The following CCDC183 variants were observed in gnomAD, a reference collection of about 807,000 sequenced individuals.
The protein encoded by CCDC183 is coiled-coil domain-containing protein 183.
A neutral mutation model predicts 65.2 loss-of-function variants in CCDC183; 63 were observed. The ratio of observed to expected loss-of-function variants is 0.97; its 90% CI spans 0.79 to 1.19. The LOEUF is 1.19. Among genes scored for constraint, CCDC183 ranks in the 50% most tolerant of loss-of-function variants. CCDC183 has a pLI of 0.00. For synonymous variants in CCDC183, 323 were observed against 276.5 expected (o/e 1.17, Z -1.67); for missense variants, 769 against 689.3 (o/e 1.12, Z -1.30).
chr9:136,802,635 G>T lies in CCDC183; in HGVS notation c.544-29G>T, dbSNP rs144077509. ...GGGGCAACTGCAGCCCACTCTGTAG[G>T]GGCCACAAGAGAACCCCATTCAACA... On this transcript the variant is annotated intron_variant, in intron 5 of 13. Coordinates refer to ENST00000338005, the MANE Select transcript of CCDC183 (RefSeq NM_001039374.5). 3.0e-4 allele frequency: 483 copies of T among 1,591,502 alleles called. No individual in the cohort carries two copies. In the African/African-American group the frequency reaches 5.7e-3, roughly 19 times the overall value.
At chr9:136,803,792 GAGC>G (rs1277754941) in intron 6 of CCDC183, 1 of 154,256 alleles carries the variant, frequency 6.5e-6, no homozygotes, top group Non-Finnish European at 1.4e-5. Context: ...GTGATACATG[GAGC>G]AGCGTGTGGC....
chr9:136,805,053 ACT>A, intron 8 of CCDC183: 1 of 595,454 alleles, frequency 1.7e-6, no homozygotes, highest in Non-Finnish European at 3.0e-6. Flanking sequence ...GTCCCCAGTG[ACT>A]CTGCAGAGGA....
At chr9:136,807,486 C>T in intron 13 of CCDC183, 86 bp from the exon 14 acceptor site, 1 of 1,451,232 alleles carries the variant, frequency 6.9e-7, no homozygotes, top group East Asian at 2.6e-5. Flanking sequence ...TGGCCCGGGT[C>T]GGTGGAGGGC....
rs373062914 is a variant in CCDC183 at position 136,797,438 on chromosome 9, C to CTT, written c.70+986_70+987dup. 5.9e-3 allele frequency among the ~76,000 whole-genome samples: 842 copies of CTT among 142,182 alleles called. 15 individuals are homozygous for CTT. Among genetic ancestry groups the CTT allele is most frequent in the African/African-American group, 0.021 (798 of 38,624 alleles). 93.3% of individuals were successfully genotyped at this position (142,182 alleles called of 152,430 possible). On this transcript the variant is annotated intron_variant, in intron 1 of 13. Transcript: ENST00000338005. ...ACTGTTCTTTCTCTATACTTTGTGT[C>CTT]TTTTTTTTTTTTTTTTATGAGATGG...
At position 136,799,224 on chromosome 9, in the gene CCDC183, G is replaced by A. The variant is rs372894860; in HGVS notation, c.192+1G>A. ...CCAGGACTGGGCTTTGGCCAAGAAGGTACACAAACGCCGCCCCTCCCCTCT... is the reference window on the plus strand; with the variant it reads ...CCAGGACTGGGCTTTGGCCAAGAAGATACACAAACGCCGCCCCTCCCCTCT... On this transcript the variant is annotated splice_donor_variant, in intron 2 of 13. Coordinates refer to ENST00000338005, the MANE Select transcript of CCDC183 (RefSeq NM_001039374.5). LOFTEE classifies it high-confidence loss of function. 5 of 1,595,982 alleles carry A rather than the reference G, an allele frequency of 3.1e-6. No homozygotes were observed. In the African/African-American group the frequency reaches 4.0e-5, roughly 13 times the overall value.
chr9:136,807,654 G>A lies in CCDC183; in HGVS notation c.1569G>A (p.Glu523=). The A allele has an allele frequency of 6.2e-7, 1 of 1,604,802 alleles. No homozygotes were observed. Among genetic ancestry groups the A allele is most frequent in the Non-Finnish European group, 8.5e-7 (1 of 1,176,116 alleles). ...AGAGGCAGGCGCAGCGGCTAATCGA[G>A]GGGAAGCTCAAGGCGGCCAAGAAAA... ...EIKRQAQRLI[E]GKLKAAKKKK... The change falls in exon 14 of 14, where the codon GAG becomes GAA. Residue 523 remains glutamate, a synonymous_variant. Transcript: ENST00000338005.
rs1179578011 is a variant in CCDC183 at position 136,800,171 on chromosome 9, T to C, written c.438+2T>C. On this transcript the variant is annotated splice_donor_variant, in intron 4 of 13. Transcript: ENST00000338005. LOFTEE classifies it high-confidence loss of function. ...AAGGAGGAGCTGCGGCTGCTGCAGG[T>C]GGAGAGGCGGGGCTGGGAGGGCGGG... is the stretch of plus-strand genomic sequence containing the variant. 7.6e-6 allele frequency: 6 copies of C among 788,776 alleles called. No individual in the cohort carries two copies. Among genetic ancestry groups the C allele is most frequent in the South Asian group, 1.9e-5 (1 of 53,286 alleles). 48.9% of individuals were successfully genotyped at this position (788,776 alleles called of 1,614,324 possible). A position where few individuals can be genotyped will look rare whatever the true frequency, so the allele number is the denominator to read the frequency against.
At chr9:136,803,378 T>C (rs1450086819) in intron 6 of CCDC183, among the ~76,000 whole-genome samples, 4 of 152,142 alleles carry the variant, frequency 2.6e-5, no homozygotes, top group Non-Finnish European at 4.4e-5. Context: ...AAGGATCCAG[T>C]GGCCAGCCCG....
intron 2 of CCDC183, 153 bp from the exon 3 acceptor site, chr9:136,799,560 T>A (rs62581419): frequency 0.17 from 127,450 of 728,924 alleles, 12,039 homozygotes; most frequent in Middle Eastern, 0.24. Context: ...ATGGCCAGGA[T>A]GGGGTCCCGC....
rs750015879 is a variant in CCDC183 at position 136,805,471 on chromosome 9, C to A, written c.948+14C>A. The stretch of plus-strand genomic sequence containing the variant: ...TCTCACGTCTGGGTAATGCCCCTGG[C>A]GCTCCCAGAGAATGGCAGGAGGGTG... On this transcript the variant is annotated intron_variant, in intron 9 of 13. Coordinates refer to ENST00000338005, the MANE Select transcript of CCDC183 (RefSeq NM_001039374.5). The A allele has an allele frequency of 1.2e-6, 2 of 1,609,132 alleles. No individual in the cohort carries two copies. The highest frequency in any genetic ancestry group is 1.7e-6 in the Non-Finnish European group (2 of 1,176,176).
chr9:136,804,323 G>A lies in CCDC183; in HGVS notation c.667-179G>A, dbSNP rs45556534. 0.031 allele frequency: 24,069 copies of A among 775,440 alleles called. 495 individuals are homozygous for A. Among genetic ancestry groups the A allele is most frequent in the Middle Eastern group, 0.055 (143 of 2,602 alleles). 48.0% of individuals were successfully genotyped at this position (775,440 alleles called of 1,614,324 possible). A position where few individuals can be genotyped will look rare whatever the true frequency, so the allele number is the denominator to read the frequency against. Reference sequence around the variant, plus strand: ...ACATGCTCTGAGGCATGGGCAAGGAGGGCCGTGAGCTGAGGGGCCACGGGC... The same window carrying A: ...ACATGCTCTGAGGCATGGGCAAGGAAGGCCGTGAGCTGAGGGGCCACGGGC... On this transcript the variant is annotated intron_variant, in intron 6 of 13. Coordinates refer to ENST00000338005, the MANE Select transcript of CCDC183 (RefSeq NM_001039374.5). This position sits in a 1 kb window ranked among gnomAD's most constrained non-coding sequence, Gnocchi z 4.1.
intron 1 of CCDC183, among the ~76,000 whole-genome samples, chr9:136,797,818 C>G (rs1297390367): frequency 6.6e-6 from 1 of 151,924 alleles, no homozygotes; most frequent in African/African-American, 2.4e-5. Flanking sequence ...GCCCCCTTCA[C>G]TTTTAGGGGA....
intron 1 of CCDC183, among the ~76,000 whole-genome samples, chr9:136,797,684 C>T (rs1467308433): frequency 6.6e-6 from 1 of 152,192 alleles, no homozygotes; most frequent in African/African-American, 2.4e-5. Flanking sequence ...GTGATCTGCC[C>T]GCATCAGCCT....
rs1847769010 is a variant in CCDC183, at chr9:136,803,146, CT to C, written c.666+361del. On this transcript the variant is annotated intron_variant, in intron 6 of 13. Transcript: ENST00000338005. ...GTCAAGGTGAGCTCAGGGCCCAGGGCTGGGGCCCCCCAGGGCCAGCCCTCTT... is the reference window on the plus strand; with the variant it reads ...GTCAAGGTGAGCTCAGGGCCCAGGGCGGGGCCCCCCAGGGCCAGCCCTCTT... Among the ~76,000 whole-genome samples, 19 of 81,570 alleles carry C rather than the reference CT, an allele frequency of 2.3e-4. 3 individuals are homozygous for C. Among genetic ancestry groups the C allele is most frequent in the African/African-American group, 1.1e-3 (17 of 15,086 alleles). 53.5% of individuals were successfully genotyped at this position (81,570 alleles called of 152,430 possible). A position where few individuals can be genotyped will look rare whatever the true frequency, so the allele number is the denominator to read the frequency against.
chr9:136,801,142 T>C (rs974361869), intron 5 of CCDC183, among the ~76,000 whole-genome samples: 2 of 152,162 alleles, frequency 1.3e-5, no homozygotes, highest in Admixed American at 6.5e-5. Flanking sequence ...GGTGACAGCA[T>C]GGAAGTGCAG....
intron 13 of CCDC183, 62 bp from the exon 14 acceptor site, chr9:136,807,510 G>T: frequency 1.4e-6 from 2 of 1,473,152 alleles, no homozygotes; most frequent in South Asian, 2.7e-5. Flanking sequence ...GGCGAGAGGC[G>T]GGTCGGGCGG....
Position 136,805,130 on chromosome 9 carries a change from G to C in CCDC183, c.848-227G>C. ...CCGGGCCCACAGTGCTCACAGTGCT[G>C]CGCCACTCACTCCGGGTCCACCTCT... On this transcript the variant is annotated intron_variant, in intron 8 of 13. Transcript: ENST00000338005. The C allele has an allele frequency of 6.7e-6, 4 of 597,088 alleles. No homozygotes were observed. The South Asian group carries it at 8.0e-5, about 12-fold the overall frequency. The allele number at this position is 597,088 out of a possible 1,614,324, so 37.0% of individuals were successfully genotyped here. A position where few individuals can be genotyped will look rare whatever the true frequency, so the allele number is the denominator to read the frequency against.
intron 2 of CCDC183, 120 bp downstream of exon 2, chr9:136,799,343 C>T (rs1847701020): frequency 2.1e-6 from 3 of 1,409,154 alleles, no homozygotes; most frequent in Middle Eastern, 2.6e-4. Flanking sequence ...ATCCAGGGGG[C>T]ATGTGAGGAG....
Position 136,796,520 on chromosome 9 carries a change from G to A in CCDC183, c.70+53G>A, listed in dbSNP as rs1847651679. On this transcript the variant is annotated intron_variant, in intron 1 of 13. Coordinates refer to ENST00000338005, the MANE Select transcript of CCDC183 (RefSeq NM_001039374.5). ...CCCTTTCCCGTCTGGGGGTTTCTGG[G>A]TGCACAACTTTTTGTGGGGAAAAGA... 8 of 1,294,062 alleles carry A rather than the reference G, an allele frequency of 6.2e-6. No individual in the cohort carries two copies. The South Asian group carries it at 7.7e-5, about 12-fold the overall frequency. 80.2% of individuals were successfully genotyped at this position (1,294,062 alleles called of 1,614,324 possible).
Sources: allele counts gnomAD v4.1 joint callset (sites outside exome capture counted in the v4.1 genomes callset), GRCh38; gene constraint gnomAD v4.1.1; non-coding constraint Gnocchi (gnomAD v3.1); transcripts MANE v1.5; gene names NCBI Gene and HGNC (gene_info 2026-07-23, HGNC 2026-07-21).